Variants in TMEM135 observed in about 807,000 individuals in gnomAD.
TMEM135 encodes peroxisomal membrane protein 52.
In TMEM135, 30 loss-of-function variants were observed where a neutral mutation model predicts 60.3. That is an observed-to-expected ratio of 0.50 (90% CI 0.37 to 0.68). The LOEUF is 0.68. Among genes scored for constraint, TMEM135 ranks in the 30% least tolerant of loss-of-function variants. TMEM135 has a pLI of 0.00. For missense variants in TMEM135, 468 were observed against 548.8 expected, an observed-to-expected ratio of 0.85 and a Z score of 1.47; for synonymous variants, 190 against 186.7, an observed-to-expected ratio of 1.02 and a Z score of -0.14.
intron 5 of TMEM135, among the ~76,000 whole-genome samples, chr11:87,172,771 A>C (rs140155636): frequency 6.6e-6 from 1 of 151,988 alleles, no homozygotes; most frequent in South Asian, 2.1e-4. Context: ...GATAATTATA[A>C]ATATTGGTGT....
At chr11:87,066,229 T>A (rs1241614373) in intron 1 of TMEM135, among the ~76,000 whole-genome samples, 1 of 152,204 alleles carries the variant, frequency 6.6e-6, no homozygotes, top group Non-Finnish European at 1.5e-5. Flanking sequence ...TTCCCTATTA[T>A]GTTCTAACCT....
chr11:87,211,681 T>C (rs1345888973), intron 5 of TMEM135, among the ~76,000 whole-genome samples: 1 of 152,196 alleles, frequency 6.6e-6, no homozygotes, highest in African/African-American at 2.4e-5. Context: ...ATAAAAATTG[T>C]CAATAAAATA....
At chr11:87,272,051 CTTT>C (rs773654603) in intron 6 of TMEM135, among the ~76,000 whole-genome samples, 2 of 81,158 alleles carry the variant, frequency 2.5e-5, no homozygotes. Flanking sequence ...TTTTTCTTTT[CTTT>C]TTTTTTTTTT....
chr11:87,307,486 A>G (rs1012605987), intron 9 of TMEM135, among the ~76,000 whole-genome samples: 1 of 152,034 alleles, frequency 6.6e-6, no homozygotes, highest in Non-Finnish European at 1.5e-5. Context: ...AAAACTTTAG[A>G]TGGGGAACTA....
Position 87,314,337 on chromosome 11 carries a change from G to T in TMEM135, c.1001-134G>T, listed in dbSNP as rs989002955. On this transcript the variant is annotated intron_variant, in intron 11 of 14. Transcript: ENST00000305494. Reference sequence around the variant, plus strand: ...TCTCACCCCATTTTAATGTCATCTGGTTTATTACTGTCCTTGATTGTGTTG... The same window carrying T: ...TCTCACCCCATTTTAATGTCATCTGTTTTATTACTGTCCTTGATTGTGTTG... The T allele has an allele frequency of 1.1e-5, 8 of 737,460 alleles. No individual in the cohort carries two copies. The Admixed American group carries it at 1.7e-4, about 16-fold the overall frequency. The allele number at this position is 737,460 out of a possible 1,614,324, so 45.7% of individuals were successfully genotyped here. A position where few individuals can be genotyped will look rare whatever the true frequency, so the allele number is the denominator to read the frequency against.
In TMEM135 at chr11:87,074,109, G is replaced by T. The variant is rs1462986370; in HGVS notation, c.362+2494G>T. Among the ~76,000 whole-genome samples the T allele has an allele frequency of 2.0e-5, 3 of 152,150 alleles. No individual in the cohort carries two copies. In the East Asian group the frequency reaches 5.8e-4, roughly 29 times the overall value. On this transcript the variant is annotated intron_variant, in intron 3 of 14. Transcript: ENST00000305494. ...GCCTCCCAAGTAGCTGGGACCACAG[G>T]CATGAACCACCAAGCCTGGCTAATT...
intron 6 of TMEM135, among the ~76,000 whole-genome samples, chr11:87,290,005 G>C (rs1040945092): frequency 1.0e-5 from 1 of 96,078 alleles, no homozygotes; most frequent in African/African-American, 3.5e-5. Context: ...ATATATTCTG[G>C]ATATTAATCC....
intron 1 of TMEM135, among the ~76,000 whole-genome samples, chr11:87,046,967 T>G (rs1284595595): frequency 6.6e-6 from 1 of 152,226 alleles, no homozygotes; most frequent in African/African-American, 2.4e-5. Flanking sequence ...TGTCCTCATC[T>G]ATAAAATGAG....
At chr11:87,167,256 G>A (rs188658260) in intron 5 of TMEM135, among the ~76,000 whole-genome samples, 223 of 152,262 alleles carry the variant, frequency 1.5e-3, no homozygotes, top group African/African-American at 4.8e-3. Flanking sequence ...TGCAAACAGA[G>A]ATAATTTGAC....
chr11:87,107,241 A>G (rs149271428), intron 4 of TMEM135, among the ~76,000 whole-genome samples: 247 of 152,278 alleles, frequency 1.6e-3, no homozygotes, highest in African/African-American at 5.7e-3. Flanking sequence ...TTTAGGTTAT[A>G]TAATTTGTTG....
chr11:87,163,670 C>A (rs1166619890), intron 5 of TMEM135, among the ~76,000 whole-genome samples: 1 of 151,070 alleles, frequency 6.6e-6, no homozygotes, highest in Non-Finnish European at 1.5e-5. Context: ...TAAAAGTGTT[C>A]CTATTTCTCC....
intron 4 of TMEM135, among the ~76,000 whole-genome samples, chr11:87,146,344 A>G (rs1433374364): frequency 2.0e-5 from 3 of 152,062 alleles, no homozygotes; most frequent in Non-Finnish European, 2.9e-5. Flanking sequence ...ATGTAGTGAG[A>G]CTCAGTCTCA....
intron 4 of TMEM135, among the ~76,000 whole-genome samples, chr11:87,122,470 A>ATTTATTTATTATTTAT (rs1565450533): frequency 1.4e-5 from 2 of 144,916 alleles, no homozygotes; most frequent in African/African-American, 5.3e-5. Flanking sequence ...TTTATTATTT[A>ATTTATTTATTATTTAT]TTTTTTTTGA....
At chr11:87,057,786 CA>C (rs1378796003) in intron 1 of TMEM135, among the ~76,000 whole-genome samples, 1 of 147,916 alleles carries the variant, frequency 6.8e-6, no homozygotes, top group Non-Finnish European at 1.5e-5. Context: ...TTCAAAGAAA[CA>C]GAAGCCTCTG....
At chr11:87,105,281 C>G (rs1457854315) in intron 4 of TMEM135, among the ~76,000 whole-genome samples, 1 of 152,160 alleles carries the variant, frequency 6.6e-6, no homozygotes, top group African/African-American at 2.4e-5. Context: ...GGTGAGCGAG[C>G]ATTATTGCTT....
chr11:87,298,527 G>A (rs967034897), intron 7 of TMEM135, among the ~76,000 whole-genome samples: 1 of 152,132 alleles, frequency 6.6e-6, no homozygotes, highest in Non-Finnish European at 1.5e-5. Context: ...GGTAGCTAAC[G>A]CCTCTAATCC....
chr11:87,231,177 T>G (rs1305853029), intron 5 of TMEM135, among the ~76,000 whole-genome samples: 1 of 152,042 alleles, frequency 6.6e-6, no homozygotes, highest in Non-Finnish European at 1.5e-5. Context: ...AAGCTCAAAG[T>G]GTAGGCGGAC....
At chr11:87,210,347 A>G (rs1222980545) in intron 5 of TMEM135, among the ~76,000 whole-genome samples, 3 of 152,196 alleles carry the variant, frequency 2.0e-5, no homozygotes, top group Non-Finnish European at 2.9e-5. Context: ...CACTGACTCC[A>G]CAGAAATAGA....
At chr11:87,159,602 C>G (rs967272413) in intron 5 of TMEM135, among the ~76,000 whole-genome samples, 1 of 143,560 alleles carries the variant, frequency 7.0e-6, no homozygotes, top group Non-Finnish European at 1.5e-5. Context: ...CGCACACACA[C>G]ACACACACAC....
Sources: gnomAD v4.1 joint callset for allele counts (sites outside exome capture counted in the v4.1 genomes callset) on GRCh38, gnomAD v4.1.1 for gene constraint, MANE v1.5 for transcripts, NCBI Gene and HGNC (gene_info 2026-07-23, HGNC 2026-07-21) for gene names.